The following SYT7 variants were observed in gnomAD, a reference collection of about 807,000 sequenced individuals.
The protein encoded by SYT7 is synaptotagmin 7, also known as synaptotagmin-7.
In SYT7, 29 loss-of-function variants were observed where a neutral mutation model predicts 75.1. The observed-to-expected ratio is 0.39, with a 90% CI of 0.29 to 0.53. The LOEUF (loss-of-function observed/expected upper bound fraction) is 0.53. Ranked by LOEUF, SYT7 falls within the 20% of genes least tolerant of loss-of-function variation. SYT7 has a pLI of 0.77. For synonymous variants in SYT7, 376 were observed against 401.7 expected (o/e 0.94, Z 0.76); for missense variants, 693 against 953.2 (o/e 0.73, Z 3.59).
chr11:61,530,145 A>C (rs776251932), intron 8 of SYT7, among the ~76,000 whole-genome samples: 1 of 152,180 alleles, frequency 6.6e-6, no homozygotes, highest in Non-Finnish European at 1.5e-5. Context: ...GCCTCAAGTC[A>C]CCTGCGATTG....
chr11:61,531,055 A>C (rs1590847548), intron 8 of SYT7: 28 of 985,410 alleles, frequency 2.8e-5, no homozygotes, highest in Non-Finnish European at 3.4e-5. Context: ...CTGGGTGCTT[A>C]ACTCTTGTCT....
At chr11:61,554,597 C>G (rs1189830967) in intron 2 of SYT7, among the ~76,000 whole-genome samples, 3 of 152,176 alleles carry the variant, frequency 2.0e-5, no homozygotes, top group Admixed American at 6.5e-5. Flanking sequence ...TCCAGACAGA[C>G]AGCAAGACAG....
At position 61,524,019 on chromosome 11, in the gene SYT7, C is replaced by T; in HGVS notation, c.1642-78G>A. The T allele has an allele frequency of 1.5e-6, 2 of 1,320,826 alleles. No homozygotes were observed. Among genetic ancestry groups the T allele is most frequent in the East Asian group, 2.3e-5 (1 of 43,448 alleles). 81.8% of individuals were successfully genotyped at this position (1,320,826 alleles called of 1,614,324 possible). Reference sequence around the variant, plus strand: ...ATTGGCCTAGCTGCCCCCAGGTCCCCTCTACCCTGACCTTGGTGCTTACCC... The same window carrying T: ...ATTGGCCTAGCTGCCCCCAGGTCCCTTCTACCCTGACCTTGGTGCTTACCC... On this transcript the variant is annotated intron_variant, in intron 10 of 12. Transcript: ENST00000539008. This position sits in a 1 kb window ranked among gnomAD's most constrained non-coding sequence, Gnocchi z 4.1.
At chr11:61,588,113 G>T in the SYT7 span, among the ~76,000 whole-genome samples, 16 of 152,216 alleles carry the variant, frequency 1.1e-4, no homozygotes, top group Admixed American at 2.6e-4. Context: ...TCAGGAGGAT[G>T]ACGGGAGGGG....
intron 1 of SYT7, among the ~76,000 whole-genome samples, chr11:61,573,668 A>G (rs144316652): frequency 6.6e-6 from 1 of 152,204 alleles, no homozygotes; most frequent in Non-Finnish European, 1.5e-5. Context: ...CCCAAGCCTC[A>G]CTTCCTGCTA....
intron 1 of SYT7, among the ~76,000 whole-genome samples, chr11:61,560,458 G>A (rs2063608023): frequency 6.6e-6 from 1 of 152,166 alleles, no homozygotes; most frequent in Non-Finnish European, 1.5e-5. Context: ...AGTGGCCCCA[G>A]GGTCCCCTAC....
Position 61,576,560 on chromosome 11 carries a change from G to A in SYT7, c.31+4230C>T, listed in dbSNP as rs2064084683. Among the ~76,000 whole-genome samples the A allele has an allele frequency of 1.3e-5, 2 of 152,316 alleles. No individual in the cohort carries two copies. The highest frequency in any genetic ancestry group is 2.9e-5 in the Non-Finnish European group (2 of 68,010). On this transcript the variant is annotated intron_variant, in intron 1 of 12. Coordinates refer to ENST00000539008, the MANE Select transcript of SYT7 (RefSeq NM_001365809.2). This position sits in a 1 kb window ranked among gnomAD's most constrained non-coding sequence, Gnocchi z 4.1. ...GCTGGGGGTCATCAGCTCCGGACTG[G>A]GCCTCCCGCCCCCACGTGACCCCTC...
At chr11:61,526,663 G>A (rs2062527670) in intron 9 of SYT7, 1 of 152,234 alleles carries the variant, frequency 6.6e-6, no homozygotes, top group African/African-American at 2.4e-5. Flanking sequence ...GAAGAGACCG[G>A]AGGATTGGAG....
At chr11:61,528,451 G>C (rs548851432) in intron 8 of SYT7, among the ~76,000 whole-genome samples, 8 of 152,252 alleles carry the variant, frequency 5.3e-5, no homozygotes, top group Admixed American at 5.2e-4. Flanking sequence ...TCTCCTCGCA[G>C]CCCTGGGTCT....
intron 1 of SYT7, among the ~76,000 whole-genome samples, chr11:61,575,801 T>G (rs1176443342): frequency 6.6e-6 from 1 of 152,166 alleles, no homozygotes; most frequent in African/African-American, 2.4e-5. Context: ...GTCCTGGCAC[T>G]TCGATAAGCA....
chr11:61,562,910 G>T (rs2063675072), intron 1 of SYT7, among the ~76,000 whole-genome samples: 1 of 152,200 alleles, frequency 6.6e-6, no homozygotes, highest in African/African-American at 2.4e-5. Context: ...GCTGCTGGCT[G>T]CTGGGATGCC....
chr11:61,555,610 G>A (rs1398374154), intron 2 of SYT7, among the ~76,000 whole-genome samples: 1 of 152,214 alleles, frequency 6.6e-6, no homozygotes, highest in Non-Finnish European at 1.5e-5. Context: ...GAGCCAGGAT[G>A]GATGTGCGGG....
intron 12 of SYT7, among the ~76,000 whole-genome samples, 199 bp downstream of exon 12, chr11:61,522,876 T>G (rs2062388938): frequency 6.6e-6 from 1 of 152,170 alleles, no homozygotes; most frequent in African/African-American, 2.4e-5. Flanking sequence ...AGGAGGACAC[T>G]CAGAGAGGAA....
In SYT7 at chr11:61,517,134, C is replaced by A. The variant is rs1202003820; in HGVS notation, c.*1493G>T. 5.0e-6 allele frequency: 2 copies of A among 396,940 alleles called. No homozygotes were observed. The highest frequency in any genetic ancestry group is 8.9e-6 in the Non-Finnish European group (2 of 225,562). 24.6% of individuals were successfully genotyped at this position (396,940 alleles called of 1,614,324 possible). Reference sequence around the variant, plus strand: ...GGCGGTAGTTCTGGGAATGTCAGGCCCAGGCTCGTGGACCCCCAGGATTGG... The same window carrying A: ...GGCGGTAGTTCTGGGAATGTCAGGCACAGGCTCGTGGACCCCCAGGATTGG... On this transcript the variant is annotated 3_prime_UTR_variant, in exon 13 of 13. Transcript: ENST00000539008.
Position 61,524,642 on chromosome 11 carries a change from C to T in SYT7, c.1472-110G>A. 9.1e-7 allele frequency: 1 copy of T among 1,102,326 alleles called. No homozygotes were observed. Among genetic ancestry groups the T allele is most frequent in the Non-Finnish European group, 1.3e-6 (1 of 781,304 alleles). The allele number at this position is 1,102,326 out of a possible 1,614,324, so 68.3% of individuals were successfully genotyped here. A position where few individuals can be genotyped will look rare whatever the true frequency, so the allele number is the denominator to read the frequency against. On this transcript the variant is annotated intron_variant, in intron 9 of 12. Coordinates refer to ENST00000539008, the MANE Select transcript of SYT7 (RefSeq NM_001365809.2). The surrounding 1 kb of genome is among the most constrained non-coding windows in gnomAD (Gnocchi z 4.1). The stretch of plus-strand genomic sequence containing the variant: ...AGGCAGGCCCTGTGCCCTCCCGCTG[C>T]CACCCCACCGGGCCAGCAGGCACAC...
intron 1 of SYT7, among the ~76,000 whole-genome samples, chr11:61,574,285 A>G (rs1172585820): frequency 6.6e-6 from 1 of 152,180 alleles, no homozygotes; most frequent in East Asian, 1.9e-4. Context: ...CCCATTTAAC[A>G]GAAGAGGAAA....
At chr11:61,541,918 A>C (rs868050806) in intron 6 of SYT7, among the ~76,000 whole-genome samples, 1 of 152,128 alleles carries the variant, frequency 6.6e-6, no homozygotes, top group African/African-American at 2.4e-5. Flanking sequence ...TGGGGAGAAG[A>C]GATGTATCTC....
the SYT7 span, among the ~76,000 whole-genome samples, chr11:61,588,305 G>A: frequency 6.6e-6 from 1 of 152,154 alleles, no homozygotes; most frequent in Admixed American, 6.5e-5. Flanking sequence ...TGCCAGGCCC[G>A]GGTGCCAAGT....
Position 61,518,447 on chromosome 11 carries a change from G to C in SYT7, c.*180C>G, listed in dbSNP as rs2062204859. The C allele has an allele frequency of 2.2e-6, 1 of 463,322 alleles. No individual in the cohort carries two copies. The highest frequency in any genetic ancestry group is 3.8e-6 in the Non-Finnish European group (1 of 260,584). 28.7% of individuals were successfully genotyped at this position (463,322 alleles called of 1,614,324 possible). A position where few individuals can be genotyped will look rare whatever the true frequency, so the allele number is the denominator to read the frequency against. On this transcript the variant is annotated 3_prime_UTR_variant, in exon 13 of 13. Transcript: ENST00000539008. ...CCCTTCCCCGGAGCTGGACTGTGGG[G>C]GATGGGGCTGGTACTTCCTAGAAAC...
Sources: allele counts gnomAD v4.1 joint callset (sites outside exome capture counted in the v4.1 genomes callset), GRCh38; gene constraint gnomAD v4.1.1; non-coding constraint Gnocchi (gnomAD v3.1); transcripts MANE v1.5; gene names NCBI Gene and HGNC (gene_info 2026-07-23, HGNC 2026-07-21).